CYGB: variants seen among roughly 807,000 people sequenced by gnomAD.
The protein encoded by CYGB is histoglobin.
Under a neutral mutation model 20.7 loss-of-function variants are expected in CYGB, and 13 were observed. The observed-to-expected ratio is 0.63, with a 90% CI of 0.41 to 1.00. CYGB has a LOEUF of 1.00. Among genes scored for constraint, CYGB ranks in the 50% least tolerant of loss-of-function variants. CYGB has a pLI of 0.00. For missense variants in CYGB, 218 were observed against 257.2 expected (o/e 0.85, Z 1.04); for synonymous variants, 93 against 107.4 (o/e 0.87, Z 0.83).
Position 76,527,514 on chromosome 17 carries a change from C to A in CYGB, c.*1064G>T. 2.3e-6 allele frequency: 1 copy of A among 427,604 alleles called. No homozygotes were observed. Among genetic ancestry groups the A allele is most frequent in the South Asian group, 1.6e-5 (1 of 61,116 alleles). 26.5% of individuals were successfully genotyped at this position (427,604 alleles called of 1,614,324 possible). A position where few individuals can be genotyped will look rare whatever the true frequency, so the allele number is the denominator to read the frequency against. On this transcript the variant is annotated 3_prime_UTR_variant, in exon 4 of 4. Transcript: ENST00000293230. ...CACAGCAGGAGCCACAGCAGCAAAA[C>A]ATCCTTGAAGACGACACACGTGACC...
In CYGB at chr17:76,531,175, C is replaced by T. The variant is rs773350056; in HGVS notation, c.376-33G>A. The T allele has an allele frequency of 6.9e-6, 11 of 1,598,130 alleles. No individual in the cohort carries two copies. In the African/African-American group the frequency reaches 1.5e-4, roughly 21 times the overall value. ...CAAAGGGAGGAAGGGGGAGTGAACG[C>T]CCGGGCGCCCTGCGTCCTGCAACCC... On this transcript the variant is annotated intron_variant, in intron 2 of 3. Coordinates refer to ENST00000293230, the MANE Select transcript of CYGB (RefSeq NM_134268.5). This position sits in a 1 kb window ranked among gnomAD's most constrained non-coding sequence, Gnocchi z 7.4.
At chr17:76,545,493 A>G (rs906916732) in intron 1 of CYGB, 2 of 404,778 alleles carry the variant, frequency 4.9e-6, no homozygotes, top group Non-Finnish European at 1.0e-5. Flanking sequence ...CTAGAGAGGG[A>G]GAGCTGAGCC....
chr17:76,531,478 C>T lies in CYGB; in HGVS notation c.357G>A (p.Val119=). ...CGCATACCTTGAAGTACACCGGTTC[C>T]ACCTTGTGCTTGAGGGCGTGGGCTT... ...VGKAHALKHK[V]EPVYFKILSG... is the part of the protein sequence containing the mutation. The change falls in exon 2 of 4, where the codon GTG becomes GTA. Residue 119 remains valine (V), a synonymous_variant. Coordinates refer to ENST00000293230, the MANE Select transcript of CYGB (RefSeq NM_134268.5). This position sits in a 1 kb window ranked among gnomAD's most constrained non-coding sequence, Gnocchi z 7.4. 1 of 1,611,086 alleles carries T rather than the reference C, an allele frequency of 6.2e-7. No homozygotes were observed. The highest frequency in any genetic ancestry group is 1.1e-5 in the South Asian group (1 of 91,056).
At chr17:76,529,043 CG>C (rs1645949581) in intron 3 of CYGB, 8 of 558,972 alleles carry the variant, frequency 1.4e-5, no homozygotes, top group Non-Finnish European at 1.6e-5. Flanking sequence ...GCAGTCATTG[CG>C]CCCCCCCCCC....
upstream of CYGB, among the ~76,000 whole-genome samples, chr17:76,539,183 G>A (rs1407132961): frequency 6.6e-6 from 1 of 152,200 alleles, no homozygotes; most frequent in Non-Finnish European, 1.5e-5. Flanking sequence ...ATGTCTCAGC[G>A]TGGCCATGGC....
At chr17:76,549,965 C>CT (rs1598220308) in intron 1 of CYGB, 3 of 150,930 alleles carry the variant, frequency 2.0e-5, no homozygotes, top group East Asian at 1.9e-4. Flanking sequence ...GTTTTTTTTT[C>CT]TTTTTTTTGA....
rs551592677 is a variant in CYGB at position 76,534,877 on chromosome 17, T to A, written c.143+2523A>T. The stretch of plus-strand genomic sequence containing the variant: ...ACGGTTCTGTGGCCCCTGGGGCCCA[T>A]GTGCCTGGCTCCTTCCTCCTGGCTC... On this transcript the variant is annotated intron_variant, in intron 1 of 3. Transcript: ENST00000293230. Among the ~76,000 whole-genome samples, 63 of 152,316 alleles carry A rather than the reference T, an allele frequency of 4.1e-4. No individual in the cohort carries two copies. The Middle Eastern group carries it at 0.01, about 25-fold the overall frequency.
At position 76,546,433 on chromosome 17, in the gene CYGB, T is replaced by TTG. The variant is rs1244243307; in HGVS notation, c.-53+4427_-53+4428dup. ...GTACCCACCCATTCCAAGTGTGCGGTTGTGTGTGTGTGTGGTTTGTGTGTG... is the reference window on the plus strand; with the variant it reads ...GTACCCACCCATTCCAAGTGTGCGGTTGTGTGTGTGTGTGTGGTTTGTGTGTG... On this transcript the variant is annotated intron_variant, in intron 1 of 3. Transcript: ENST00000589145. The surrounding 1 kb of genome is among the most constrained non-coding windows in gnomAD (Gnocchi z 4.5). 2.1e-4 allele frequency: 4 copies of TTG among 19,046 alleles called. No homozygotes were observed. Among genetic ancestry groups the TTG allele is most frequent in the South Asian group, 7.2e-3 (1 of 138 alleles). 1.2% of individuals were successfully genotyped at this position (19,046 alleles called of 1,614,324 possible). A position where few individuals can be genotyped will look rare whatever the true frequency, so the allele number is the denominator to read the frequency against.
chr17:76,534,974 T>C (rs1229663475), intron 1 of CYGB, among the ~76,000 whole-genome samples: 3 of 152,212 alleles, frequency 2.0e-5, no homozygotes, highest in Admixed American at 1.3e-4. Flanking sequence ...CAGCCAGCCC[T>C]GGGGAGTTTC....
Position 76,531,390 on chromosome 17 carries a change from A to G in CYGB, c.375+70T>C. Reference sequence around the variant, plus strand: ...CTCTGTTGCTCCAGAGAGCCGTCGCAGAGCCTGCGAGCTGCAGATGGCCAT... The same window carrying G: ...CTCTGTTGCTCCAGAGAGCCGTCGCGGAGCCTGCGAGCTGCAGATGGCCAT... On this transcript the variant is annotated intron_variant, in intron 2 of 3. Transcript: ENST00000293230. The surrounding 1 kb of genome is among the most constrained non-coding windows in gnomAD (Gnocchi z 7.4). 6.5e-7 allele frequency: 1 copy of G among 1,542,516 alleles called. No individual in the cohort carries two copies. Among genetic ancestry groups the G allele is most frequent in the South Asian group, 1.2e-5 (1 of 84,336 alleles).
At chr17:76,529,683 CCT>C (rs1436501800) in intron 3 of CYGB, 4 of 985,368 alleles carry the variant, frequency 4.1e-6, no homozygotes, top group East Asian at 2.3e-4. Flanking sequence ...CTCCTCTTCC[CCT>C]GTCTTTTCCC....
rs950511989 is a variant in CYGB, at chr17:76,528,723, C to T, written c.540-112G>A. On this transcript the variant is annotated intron_variant, in intron 3 of 3. Transcript: ENST00000293230. This position sits in a 1 kb window ranked among gnomAD's most constrained non-coding sequence, Gnocchi z 5.8. Reference sequence around the variant, plus strand: ...GAGGCTCACTTCCTGCCAAGAGATCCGGCACAGTGCAGTTGAAAGCAACCG... The same window carrying T: ...GAGGCTCACTTCCTGCCAAGAGATCTGGCACAGTGCAGTTGAAAGCAACCG... 11 of 1,100,124 alleles carry T rather than the reference C, an allele frequency of 1.0e-5. No individual in the cohort carries two copies. The highest frequency in any genetic ancestry group is 1.2e-5 in the Non-Finnish European group (10 of 854,852). 68.1% of individuals were successfully genotyped at this position (1,100,124 alleles called of 1,614,324 possible). A position where few individuals can be genotyped will look rare whatever the true frequency, so the allele number is the denominator to read the frequency against.
rs370772669 is a variant in CYGB, at chr17:76,527,527, G to A, written c.*1051C>T. 9.1e-6 allele frequency: 4 copies of A among 437,250 alleles called. No individual in the cohort carries two copies. The highest frequency in any genetic ancestry group is 6.3e-5 in the South Asian group (4 of 63,004). The allele number at this position is 437,250 out of a possible 1,614,324, so 27.1% of individuals were successfully genotyped here. ...ACAGCAGCAAAACATCCTTGAAGAC[G>A]ACACACGTGACCAAGGGGCACACAC... is the stretch of plus-strand genomic sequence containing the variant. On this transcript the variant is annotated 3_prime_UTR_variant, in exon 4 of 4. Transcript: ENST00000293230.
rs779081934 is a variant in CYGB, at chr17:76,530,983, T to C, written c.535A>G (p.Thr179Ala). The C allele has an allele frequency of 1.6e-5, 25 of 1,599,364 alleles. No homozygotes were observed. The South Asian group carries it at 2.7e-4, about 17-fold the overall frequency. Residue 179 changes from threonine (T) to alanine (A), a missense_variant, in exon 3 of 4, where the codon ACC (threonine) becomes GCC (alanine). By Grantham distance (58) the Thr-to-Ala change is moderately conservative. This residue lies in a region of CYGB where 66 missense variants were observed against 107.4 expected (regional missense o/e 0.61). Coordinates refer to ENST00000293230, the MANE Select transcript of CYGB (RefSeq NM_134268.5). The surrounding 1 kb of genome is among the most constrained non-coding windows in gnomAD (Gnocchi z 6.1). Reference protein sequence around the residue: ...VGWVQQVPNATTPPATLPSSG... With the variant: ...VGWVQQVPNAATPPATLPSSG... ...CACCCTCGCCCGCCTCCTCACGTGG[T>C]GGCGTTGGGGACCTGCTGCACCCAG...
At chr17:76,540,258 G>GGC (rs2074973673), upstream of CYGB, 1 of 1,100,862 alleles carries the variant, frequency 9.1e-7, no homozygotes. This position sits in a 1 kb window ranked among gnomAD's most constrained non-coding sequence, Gnocchi z 5.0. Flanking sequence ...GGTCGGGGGG[G>GGC]GGGGGCATGG....
chr17:76,542,269 A>G (rs1044595337), upstream of CYGB, among the ~76,000 whole-genome samples: 10 of 152,208 alleles, frequency 6.6e-5, no homozygotes, highest in African/African-American at 1.2e-4. Flanking sequence ...ACTTAGCCAG[A>G]AGGAAGCAGT....
At chr17:76,538,454 G>T, upstream of CYGB, 1 of 465,978 alleles carries the variant, frequency 2.1e-6, no homozygotes, top group Non-Finnish European at 4.4e-6. Flanking sequence ...CTCGGTGCAC[G>T]AACGCGGCGG....
Position 76,528,419 on chromosome 17 carries a change from A to C in CYGB, c.*159T>G. 1.6e-6 allele frequency: 1 copy of C among 632,838 alleles called. No homozygotes were observed. Among genetic ancestry groups the C allele is most frequent in the Non-Finnish European group, 2.3e-6 (1 of 432,632 alleles). 39.2% of individuals were successfully genotyped at this position (632,838 alleles called of 1,614,324 possible). On this transcript the variant is annotated 3_prime_UTR_variant, in exon 4 of 4. Coordinates refer to ENST00000293230, the MANE Select transcript of CYGB (RefSeq NM_134268.5). This position sits in a 1 kb window ranked among gnomAD's most constrained non-coding sequence, Gnocchi z 5.8. ...GCCAGCGCCGCCTCCCAGCAGCTCC[A>C]GGGGGGGACCCTGGCCGCCACAGAG...
intron 1 of CYGB, chr17:76,543,947 G>A (rs1314562492): frequency 1.1e-5 from 5 of 468,838 alleles, no homozygotes; most frequent in East Asian, 6.9e-5. Flanking sequence ...GTGTGCAAGC[G>A]CGTGTGTTCC....
Sources: allele counts gnomAD v4.1 joint callset (sites outside exome capture counted in the v4.1 genomes callset), GRCh38; gene constraint gnomAD v4.1.1; regional missense constraint gnomAD v4.1.1; non-coding constraint Gnocchi (gnomAD v3.1); transcripts MANE v1.5; gene names NCBI Gene and HGNC (gene_info 2026-07-23, HGNC 2026-07-21).